The following PHKG2 variants were observed in gnomAD, a reference collection of about 807,000 sequenced individuals.
The protein encoded by PHKG2 is phosphorylase b kinase gamma catalytic chain, liver/testis isoform.
Under a neutral mutation model 44.5 loss-of-function variants are expected in PHKG2, and 28 were observed. The ratio of observed to expected loss-of-function variants is 0.63; its 90% CI spans 0.47 to 0.86. The LOEUF (loss-of-function observed/expected upper bound fraction) is 0.86. Ranked by LOEUF, PHKG2 falls within the 40% of genes least tolerant of loss-of-function variation. The probability of loss-of-function intolerance (pLI) is 0.00; values close to 1 mark genes in which losing one functional copy is unlikely to be tolerated. For missense variants in PHKG2, 498 were observed against 547.5 expected (o/e 0.91, Z 0.90); for synonymous variants, 220 against 211.2 (o/e 1.04, Z -0.36).
Position 30,758,782 on chromosome 16 carries a change from T to C in PHKG2, c.*1685T>C. ...GTTGCCCAGGCTGGTCGCGAACTCC[T>C]GAGCTCAGGCAATCCGCCTGCCTCA... On this transcript the variant is annotated 3_prime_UTR_variant, in exon 10 of 10. Coordinates refer to ENST00000563588, the MANE Select transcript of PHKG2 (RefSeq NM_000294.3). 1 of 670,620 alleles carries C rather than the reference T, an allele frequency of 1.5e-6. No individual in the cohort carries two copies. The highest frequency in any genetic ancestry group is 2.4e-6 in the Non-Finnish European group (1 of 413,582). 41.5% of individuals were successfully genotyped at this position (670,620 alleles called of 1,614,324 possible).
In PHKG2 at chr16:30,759,345, G is replaced by T; in HGVS notation, c.*2248G>T. 1 of 1,613,668 alleles carries T rather than the reference G, an allele frequency of 6.2e-7. No homozygotes were observed. The highest frequency in any genetic ancestry group is 8.5e-7 in the Non-Finnish European group (1 of 1,179,610). On this transcript the variant is annotated 3_prime_UTR_variant, in exon 10 of 10. Transcript: ENST00000563588. ...CTCATGGTCCACCACCCCCTACCTGGGGTGTGAAGACGTATTTATAGAGCT... is the reference window on the plus strand; with the variant it reads ...CTCATGGTCCACCACCCCCTACCTGTGGTGTGAAGACGTATTTATAGAGCT...
Position 30,761,072 on chromosome 16 carries a change from G to A in PHKG2, c.*3975G>A. 3 of 1,091,284 alleles carry A rather than the reference G, an allele frequency of 2.7e-6. No homozygotes were observed. The highest frequency in any genetic ancestry group is 1.6e-5 in the African/African-American group (1 of 63,732). 67.6% of individuals were successfully genotyped at this position (1,091,284 alleles called of 1,614,324 possible). A position where few individuals can be genotyped will look rare whatever the true frequency, so the allele number is the denominator to read the frequency against. On this transcript the variant is annotated 3_prime_UTR_variant, in exon 10 of 10. Transcript: ENST00000563588. ...TGGAAAGCCAACTTCCAGTCACCTG[G>A]AGTAATTGCATCTCCAGGCCTCAGT...
chr16:30,748,547 G>C (rs1222775319), intron 1 of PHKG2, 57 bp downstream of exon 1: 4 of 514,784 alleles, frequency 7.8e-6, no homozygotes, highest in Non-Finnish European at 1.4e-5. Context: ...GCGCCTGCGC[G>C]GCAACAGCCG....
Position 30,759,216 on chromosome 16 carries a change from C to A in PHKG2, c.*2119C>A, listed in dbSNP as rs770706959. The A allele has an allele frequency of 1.9e-6, 3 of 1,614,146 alleles. No homozygotes were observed. Among genetic ancestry groups the A allele is most frequent in the South Asian group, 1.1e-5 (1 of 91,086 alleles). On this transcript the variant is annotated 3_prime_UTR_variant, in exon 10 of 10. Coordinates refer to ENST00000563588, the MANE Select transcript of PHKG2 (RefSeq NM_000294.3). ...TGGCCACAGTTTGGGTGGCTGTAGC[C>A]CCATGTAAGTCAAAGACAGATCCAG...
At position 30,756,212 on chromosome 16, in the gene PHKG2, C is replaced by T; in HGVS notation, c.587C>T (p.Pro196Leu). ...TGTGGGACCCCAGGGTATCTAGCGCCAGAGATCCTTAAATGCTCCATGGAT... is the reference window on the plus strand; with the variant it reads ...TGTGGGACCCCAGGGTATCTAGCGCTAGAGATCCTTAAATGCTCCATGGAT... ...ELCGTPGYLAPEILKCSMDET... is the reference protein window; with the variant it reads ...ELCGTPGYLALEILKCSMDET... Residue 196 changes from proline to leucine, a missense_variant, in exon 7 of 10, where the codon CCA (proline) becomes CTA (leucine). Pro to Leu is a moderately conservative substitution (Grantham distance 98). Coordinates refer to ENST00000563588, the MANE Select transcript of PHKG2 (RefSeq NM_000294.3). 1 of 1,614,150 alleles carries T rather than the reference C, an allele frequency of 6.2e-7. No individual in the cohort carries two copies. The highest frequency in any genetic ancestry group is 8.5e-7 in the Non-Finnish European group (1 of 1,180,002).
rs1311862658 is a variant in PHKG2, at chr16:30,751,744, G to C, written c.326+141G>C. On this transcript the variant is annotated intron_variant, in intron 4 of 9. Coordinates refer to ENST00000563588, the MANE Select transcript of PHKG2 (RefSeq NM_000294.3). The stretch of plus-strand genomic sequence containing the variant: ...GGCTCTCTATCACCTGGGCCTGCCT[G>C]CTAGCGCATGGCTCTGGCCTTCTCC... 8 of 810,356 alleles carry C rather than the reference G, an allele frequency of 9.9e-6. No individual in the cohort carries two copies. The East Asian group carries it at 1.7e-4, about 17-fold the overall frequency. 50.2% of individuals were successfully genotyped at this position (810,356 alleles called of 1,614,324 possible). A position where few individuals can be genotyped will look rare whatever the true frequency, so the allele number is the denominator to read the frequency against.
At chr16:30,753,060 A>C (rs2053372324) in intron 4 of PHKG2, 172 bp from the exon 5 acceptor site, 2 of 683,810 alleles carry the variant, frequency 2.9e-6, no homozygotes, top group Non-Finnish European at 2.7e-6. Flanking sequence ...TTCAGCTGCC[A>C]ACACACCAGG....
intron 5 of PHKG2, 33 bp from the exon 6 acceptor site, chr16:30,753,361 G>A (rs1412198535): frequency 6.2e-7 from 1 of 1,613,802 alleles, no homozygotes; most frequent in South Asian, 1.1e-5. Flanking sequence ...GAGGAGCCGA[G>A]GAGGAGACTG....
chr16:30,748,473 C>T lies in PHKG2; in HGVS notation c.-36C>T. Reference sequence around the variant, plus strand: ...GCGCAGCTCGCGTCGACCCTGGCTCCTCTGCCTGCCCCCTCAGGTGAGCCT... The same window carrying T: ...GCGCAGCTCGCGTCGACCCTGGCTCTTCTGCCTGCCCCCTCAGGTGAGCCT... On this transcript the variant is annotated 5_prime_UTR_variant, in exon 1 of 10. Coordinates refer to ENST00000563588, the MANE Select transcript of PHKG2 (RefSeq NM_000294.3). 3 of 359,744 alleles carry T rather than the reference C, an allele frequency of 8.3e-6. No individual in the cohort carries two copies. The highest frequency in any genetic ancestry group is 1.5e-5 in the Non-Finnish European group (3 of 195,114). The allele number at this position is 359,744 out of a possible 1,614,324, so 22.3% of individuals were successfully genotyped here.
chr16:30,749,964 CA>C (rs11309088), intron 2 of PHKG2, among the ~76,000 whole-genome samples: 24,309 of 151,876 alleles, frequency 0.16, 2,312 homozygotes, highest in Non-Finnish European at 0.22. Context: ...AGTAGGAGTT[CA>C]GGGGGGGGTC....
chr16:30,753,334 G>A (rs374131174), intron 5 of PHKG2, 37 bp downstream of exon 5: 7 of 1,613,660 alleles, frequency 4.3e-6, no homozygotes, highest in African/African-American at 1.3e-5. Context: ...GGTGAGCAGG[G>A]GGTGGGACAG....
Position 30,751,193 on chromosome 16 carries a change from G to C in PHKG2, c.183G>C (p.Arg61=). The part of the protein sequence containing the change: ...AVKIMEVTAE[R]LSPEQLEEVR... ...AGATTATGGAAGTGACAGCTGAGCG[G>C]CTGAGTCCTGAGCAGCTGGAGGAGG... The change falls in exon 3 of 10, where the codon CGG becomes CGC. Residue 61 remains arginine (R), a synonymous_variant. Transcript: ENST00000563588. 6.2e-7 allele frequency: 1 copy of C among 1,613,764 alleles called. No individual in the cohort carries two copies. The highest frequency in any genetic ancestry group is 8.5e-7 in the Non-Finnish European group (1 of 1,180,024).
At position 30,749,166 on chromosome 16, in the gene PHKG2, G is replaced by C. The variant is rs200914861; in HGVS notation, c.95+251G>C. Among the ~76,000 whole-genome samples the C allele has an allele frequency of 3.4e-4, 46 of 136,008 alleles. 2 individuals are homozygous for C. Among genetic ancestry groups the C allele is most frequent in the African/African-American group, 8.5e-4 (30 of 35,502 alleles). 89.2% of individuals were successfully genotyped at this position (136,008 alleles called of 152,430 possible). ...GGTGCTGGTGGTGGTGCTGGTGGTG[G>C]TGGTGCTGGTGGTGGTGCTGGTGGT... On this transcript the variant is annotated intron_variant, in intron 2 of 9. Transcript: ENST00000563588.
At position 30,759,860 on chromosome 16, in the gene PHKG2, C is replaced by T; in HGVS notation, c.*2763C>T. 2 of 1,460,444 alleles carry T rather than the reference C, an allele frequency of 1.4e-6. No homozygotes were observed. Among genetic ancestry groups the T allele is most frequent in the South Asian group, 2.9e-5 (2 of 68,188 alleles). 90.5% of individuals were successfully genotyped at this position (1,460,444 alleles called of 1,614,324 possible). The stretch of plus-strand genomic sequence containing the variant: ...TCAGCACTGGCTTGTTTCCTTAACT[C>T]ATGTAACAAATACTGAATACCCACT... On this transcript the variant is annotated 3_prime_UTR_variant, in exon 10 of 10. Transcript: ENST00000563588.
Position 30,759,994 on chromosome 16 carries a change from A to T in PHKG2, c.*2897A>T. ...CAAGAAATAGATCATTTCAGCTATTAAACATTCTGAAGCAAGAGCTATTAA... is the reference window on the plus strand; with the variant it reads ...CAAGAAATAGATCATTTCAGCTATTTAACATTCTGAAGCAAGAGCTATTAA... On this transcript the variant is annotated 3_prime_UTR_variant, in exon 10 of 10. Coordinates refer to ENST00000563588, the MANE Select transcript of PHKG2 (RefSeq NM_000294.3). The T allele has an allele frequency of 3.4e-6, 5 of 1,462,996 alleles. No homozygotes were observed. Among genetic ancestry groups the T allele is most frequent in the Non-Finnish European group, 4.5e-6 (5 of 1,114,500 alleles). 90.6% of individuals were successfully genotyped at this position (1,462,996 alleles called of 1,614,324 possible).
chr16:30,759,019 T>C lies in PHKG2; in HGVS notation c.*1922T>C, dbSNP rs1166598714. The C allele has an allele frequency of 6.2e-6, 10 of 1,614,124 alleles. No individual in the cohort carries two copies. Among genetic ancestry groups the C allele is most frequent in the Non-Finnish European group, 7.6e-6 (9 of 1,180,042 alleles). On this transcript the variant is annotated 3_prime_UTR_variant, in exon 10 of 10. Transcript: ENST00000563588. ...CCCTCTCCAGATCCTCACTTGGCTC[T>C]GGCTCTGGTGGGGCCACTGTCTCTA... is the stretch of plus-strand genomic sequence containing the variant.
intron 2 of PHKG2, among the ~76,000 whole-genome samples, chr16:30,750,213 TAAAAA>T (rs535247818): frequency 6.7e-6 from 1 of 149,232 alleles, no homozygotes; most frequent in Non-Finnish European, 1.5e-5. Flanking sequence ...TGTAAAAAAA[TAAAAA>T]AAAAATTGCA....
Position 30,758,750 on chromosome 16 carries a change from T to TC in PHKG2, c.*1654dup, listed in dbSNP as rs1450061873. The TC allele has an allele frequency of 1.8e-5, 9 of 512,482 alleles. No homozygotes were observed. Among genetic ancestry groups the TC allele is most frequent in the Non-Finnish European group, 3.1e-5 (9 of 290,246 alleles). The allele number at this position is 512,482 out of a possible 1,614,324, so 31.7% of individuals were successfully genotyped here. On this transcript the variant is annotated 3_prime_UTR_variant, in exon 10 of 10. Transcript: ENST00000563588. ...TTTGTATTTTAGTAGATAGGGGGTT[T>TC]CACGGTGTTGCCCAGGCTGGTCGCG...
In PHKG2 at chr16:30,756,222, T is replaced by C; in HGVS notation, c.597T>C (p.Leu199=). ...CAGGGTATCTAGCGCCAGAGATCCT[T>C]AAATGCTCCATGGATGAAACCCACC... ...GTPGYLAPEI[L]KCSMDETHPG... The change falls in exon 7 of 10, where the codon CTT becomes CTC. Residue 199 remains leucine, a synonymous_variant. Coordinates refer to ENST00000563588, the MANE Select transcript of PHKG2 (RefSeq NM_000294.3). 1 of 1,614,074 alleles carries C rather than the reference T, an allele frequency of 6.2e-7. No individual in the cohort carries two copies. Among genetic ancestry groups the C allele is most frequent in the African/African-American group, 1.3e-5 (1 of 75,014 alleles).
Sources: allele counts gnomAD v4.1 joint callset (sites outside exome capture counted in the v4.1 genomes callset), GRCh38; gene constraint gnomAD v4.1.1; transcripts MANE v1.5; gene names NCBI Gene and HGNC (gene_info 2026-07-23, HGNC 2026-07-21).